INTS2: variants seen among roughly 807,000 people sequenced by gnomAD.
INTS2 encodes KIAA1287.
INTS2 carries 57 observed loss-of-function variants against 139.6 expected under a neutral mutation model. That is an observed-to-expected ratio of 0.41 (90% CI 0.33 to 0.51). The LOEUF (loss-of-function observed/expected upper bound fraction) is 0.51, where lower values mean the gene tolerates loss of function less well. Ranked by LOEUF, INTS2 falls within the 20% of genes least tolerant of loss-of-function variation. The pLI is 0.28. For synonymous variants in INTS2, 473 were observed against 493.4 expected, an observed-to-expected ratio of 0.96 and a Z score of 0.55; for missense variants, 1,196 against 1,436.7, an observed-to-expected ratio of 0.83 and a Z score of 2.71.
chr17:61,923,477 CAAAAAAA>C (rs933124889), intron 3 of INTS2, among the ~76,000 whole-genome samples: 4 of 30,680 alleles, frequency 1.3e-4, no homozygotes, highest in African/African-American at 4.0e-4. Flanking sequence ...ACTCTGTCTC[CAAAAAAA>C]AAAAAAAAAA....
intron 15 of INTS2, among the ~76,000 whole-genome samples, chr17:61,887,721 G>A (rs1318330309): frequency 6.6e-6 from 1 of 151,966 alleles, no homozygotes; most frequent in Non-Finnish European, 1.5e-5. Context: ...TTCCAAACAA[G>A]AACTGTATCA....
rs2079288589 is a variant in INTS2 at position 61,891,123 on chromosome 17, G to A, written c.1875+390C>T. 2.6e-5 allele frequency among the ~76,000 whole-genome samples: 4 copies of A among 151,434 alleles called. No homozygotes were observed. The Admixed American group carries it at 2.6e-4, about 10-fold the overall frequency. ...AGCCTGGCCAACATGGTGAAACCCTGTCTCTACTAAAAATACAAAACATTA... is the reference window on the plus strand; with the variant it reads ...AGCCTGGCCAACATGGTGAAACCCTATCTCTACTAAAAATACAAAACATTA... On this transcript the variant is annotated intron_variant, in intron 14 of 24. Transcript: ENST00000251334.
intron 6 of INTS2, 30 bp downstream of exon 6, chr17:61,911,910 C>T (rs1344174661): frequency 6.2e-7 from 1 of 1,600,204 alleles, no homozygotes; most frequent in African/African-American, 1.4e-5. Flanking sequence ...ATATAAAGGC[C>T]TTTGTCTAAT....
rs766945289 is a variant in INTS2, at chr17:61,904,573, T to C, written c.1194A>G (p.Glu398=). Residue 398 remains glutamate, a synonymous_variant, in exon 9 of 25, where the codon GAA becomes GAG. Transcript: ENST00000251334. ...TCAACTGCAGTAATTGCTCAGCTTC[T>C]TCTTCAGTTGGTCTAAAAAGGAATA... ...MGIAGLKPTE[E]EAEQLLQLMT... 1.2e-5 allele frequency: 19 copies of C among 1,610,896 alleles called. No homozygotes were observed. The highest frequency in any genetic ancestry group is 1.5e-5 in the Non-Finnish European group (18 of 1,178,904).
chr17:61,907,711 C>T (rs2079480858), intron 7 of INTS2, 77 bp from the exon 8 acceptor site: 2 of 1,098,170 alleles, frequency 1.8e-6, no homozygotes, highest in Non-Finnish European at 2.7e-6. Context: ...AACATAGCAC[C>T]CCACTTAAAC....
intron 7 of INTS2, chr17:61,910,481 T>G (rs2143102237): frequency 6.6e-6 from 1 of 151,522 alleles, no homozygotes; most frequent in East Asian, 2.0e-4. Context: ...TAATCCCAAC[T>G]ACTCAGGAGG....
At chr17:61,894,077 G>C (rs1211889034) in intron 12 of INTS2, 178 bp from the exon 13 acceptor site, 1 of 415,544 alleles carries the variant, frequency 2.4e-6, no homozygotes, top group Non-Finnish European at 4.2e-6. Flanking sequence ...TGTACATTTA[G>C]GGATTTATAT....
At position 61,904,536 on chromosome 17, in the gene INTS2, G is replaced by A; in HGVS notation, c.1231C>T (p.Pro411Ser). The change falls in exon 9 of 25, where the codon CCT becomes TCT. Residue 411 changes from proline to serine, a missense_variant. Physicochemically the swap from Pro to Ser is moderately conservative, Grantham distance 74. Around this residue, in one of 3 missense-constraint regions of INTS2, gnomAD observed 1,129 missense variants for 1,341.9 expected, o/e 0.84. Coordinates refer to ENST00000251334, the MANE Select transcript of INTS2 (RefSeq NM_001351695.2). Reference protein sequence around the residue: ...EQLLQLMTSRPPATPAGVRFV... With the variant: ...EQLLQLMTSRSPATPAGVRFV... ...CGAACCCCAGCTGGCGTAGCAGGAG[G>A]ACGGCTCGTCATCAACTGCAGTAAT... 6.2e-7 allele frequency: 1 copy of A among 1,612,550 alleles called. No homozygotes were observed. The highest frequency in any genetic ancestry group is 8.5e-7 in the Non-Finnish European group (1 of 1,179,088).
At chr17:61,908,483 C>T (rs944898503) in intron 7 of INTS2, among the ~76,000 whole-genome samples, 2 of 152,158 alleles carry the variant, frequency 1.3e-5, no homozygotes, top group African/African-American at 4.8e-5. Context: ...ATGCCTTAGT[C>T]TTCTCTCACT....
chr17:61,884,979 A>G lies in INTS2; in HGVS notation c.2011T>C (p.Tyr671His), dbSNP rs1416869829. The change falls in exon 16 of 25, where the codon TAT becomes CAT. Residue 671 changes from tyrosine (Y) to histidine (H), a missense_variant. Physicochemically the swap from Tyr to His is moderately conservative, Grantham distance 83. Transcript: ENST00000251334. ...LAAMQRKPKS[Y>H]SSSLMDQIPI... The stretch of plus-strand genomic sequence containing the variant: ...ATCTGATCCATTAAAGAAGAAGAAT[A>G]TGATTTGGGCTTTCTTTGCATGGCA... 6.2e-7 allele frequency: 1 copy of G among 1,603,332 alleles called. No individual in the cohort carries two copies. Among genetic ancestry groups the G allele is most frequent in the South Asian group, 1.1e-5 (1 of 88,998 alleles).
chr17:61,927,655 T>G lies in INTS2; in HGVS notation c.-20A>C. ...GCCAGAGAAGCGGACGCTTCATACC[T>G]TAAGATCTACCCTCCAGCCTCACGG... is the stretch of plus-strand genomic sequence containing the variant. On this transcript the variant is annotated splice_region_variant and 5_prime_UTR_variant, in exon 1 of 25. Transcript: ENST00000251334. 7.2e-7 allele frequency: 1 copy of G among 1,394,232 alleles called. No homozygotes were observed. Among genetic ancestry groups the G allele is most frequent in the Non-Finnish European group, 9.3e-7 (1 of 1,075,332 alleles). 86.4% of individuals were successfully genotyped at this position (1,394,232 alleles called of 1,614,324 possible).
chr17:61,895,828 A>G (rs536224693), intron 11 of INTS2, among the ~76,000 whole-genome samples: 26 of 152,320 alleles, frequency 1.7e-4, no homozygotes, highest in Admixed American at 3.9e-4. Flanking sequence ...GTAGATTAAA[A>G]TGTTCAAATG....
chr17:61,904,632 A>C lies in INTS2; in HGVS notation c.1182-47T>G. On this transcript the variant is annotated intron_variant, in intron 8 of 24. Coordinates refer to ENST00000251334, the MANE Select transcript of INTS2 (RefSeq NM_001351695.2). ...GGCTTTACATTTTTAGTTGGGATGAAGAAGAAAAAGTGAATTTTTAACCTT... is the reference window on the plus strand; with the variant it reads ...GGCTTTACATTTTTAGTTGGGATGACGAAGAAAAAGTGAATTTTTAACCTT... 3 of 1,479,846 alleles carry C rather than the reference A, an allele frequency of 2.0e-6. No individual in the cohort carries two copies. In the South Asian group the frequency reaches 4.0e-5, roughly 20 times the overall value. The allele number at this position is 1,479,846 out of a possible 1,614,324, so 91.7% of individuals were successfully genotyped here.
At chr17:61,887,898 C>T (rs1439962433) in intron 15 of INTS2, among the ~76,000 whole-genome samples, 1 of 151,630 alleles carries the variant, frequency 6.6e-6, no homozygotes, top group African/African-American at 2.4e-5. Context: ...ACTACAAATA[C>T]AAAAATTAGC....
chr17:61,880,861 CAA>C (rs2079172002), intron 17 of INTS2, 144 bp downstream of exon 17: 5 of 595,704 alleles, frequency 8.4e-6, no homozygotes, highest in Non-Finnish European at 1.4e-5. Flanking sequence ...TCCTTAAACG[CAA>C]AGAGTATTTT....
chr17:61,867,619 G>A lies in INTS2; in HGVS notation c.3529C>T (p.Leu1177Phe), dbSNP rs541329984. Residue 1177 changes from leucine to phenylalanine, a missense_variant, in exon 25 of 25, where the codon CTC (leucine) becomes TTC (phenylalanine). Physicochemically the swap from Leu to Phe is conservative, Grantham distance 22. Around this residue, in one of 3 missense-constraint regions of INTS2, gnomAD observed 1,129 missense variants for 1,341.9 expected, o/e 0.84. Transcript: ENST00000251334. This position sits in a 1 kb window ranked among gnomAD's most constrained non-coding sequence, Gnocchi z 5.6. The part of the protein sequence containing the change: ...DTGSMDPDVQ[L>F]CHCIERTVIE... ...ACTGTTCTTTCAATACAGTGACAGA[G>A]CTGTACATCAGGATCCATGCTTCCA... 3.1e-6 allele frequency: 5 copies of A among 1,610,918 alleles called. No homozygotes were observed.
rs1322322848 is a variant in INTS2 at position 61,897,766 on chromosome 17, T to C, written c.1308-27A>G. The C allele has an allele frequency of 6.8e-7, 1 of 1,467,892 alleles. No homozygotes were observed. The highest frequency in any genetic ancestry group is 2.3e-5 in the East Asian group (1 of 43,418). 90.9% of individuals were successfully genotyped at this position (1,467,892 alleles called of 1,614,324 possible). A position where few individuals can be genotyped will look rare whatever the true frequency, so the allele number is the denominator to read the frequency against. On this transcript the variant is annotated intron_variant, in intron 9 of 24. Coordinates refer to ENST00000251334, the MANE Select transcript of INTS2 (RefSeq NM_001351695.2). This position sits in a 1 kb window ranked among gnomAD's most constrained non-coding sequence, Gnocchi z 4.4. Reference sequence around the variant, plus strand: ...TATATAAAATATACCAGAATGTCACTGGTTTAAATTAGATATACTAGCATA... The same window carrying C: ...TATATAAAATATACCAGAATGTCACCGGTTTAAATTAGATATACTAGCATA...
At position 61,867,492 on chromosome 17, in the gene INTS2, T is replaced by C; in HGVS notation, c.*65A>G. The C allele has an allele frequency of 1.0e-6, 1 of 952,946 alleles. No individual in the cohort carries two copies. The highest frequency in any genetic ancestry group is 1.6e-6 in the Non-Finnish European group (1 of 629,630). The allele number at this position is 952,946 out of a possible 1,614,324, so 59.0% of individuals were successfully genotyped here. ...CTGTTCCCATTCAGTTTAGAGTTGT[T>C]ACTAATATGCAGATTCATGTTGGGT... On this transcript the variant is annotated 3_prime_UTR_variant, in exon 25 of 25. Coordinates refer to ENST00000251334, the MANE Select transcript of INTS2 (RefSeq NM_001351695.2). This position sits in a 1 kb window ranked among gnomAD's most constrained non-coding sequence, Gnocchi z 5.6.
In INTS2 at chr17:61,875,359, G is replaced by T. The variant is rs982409069; in HGVS notation, c.2457-321C>A. 6.6e-6 allele frequency among the ~76,000 whole-genome samples: 1 copy of T among 152,132 alleles called. No individual in the cohort carries two copies. Among genetic ancestry groups the T allele is most frequent in the Non-Finnish European group, 1.5e-5 (1 of 68,034 alleles). On this transcript the variant is annotated intron_variant, in intron 18 of 24. Coordinates refer to ENST00000251334, the MANE Select transcript of INTS2 (RefSeq NM_001351695.2). This position sits in a 1 kb window ranked among gnomAD's most constrained non-coding sequence, Gnocchi z 4.6. ...ATATGACTCTGTGTAAGTCACTGAG[G>T]CTCTCTAAACTGTTTCCTCGTCTGT... is the stretch of plus-strand genomic sequence containing the variant.
Sources: gnomAD v4.1 joint callset for allele counts (sites outside exome capture counted in the v4.1 genomes callset) on GRCh38, gnomAD v4.1.1 for gene constraint, gnomAD v4.1.1 regional missense constraint, Gnocchi (gnomAD v3.1) non-coding constraint, MANE v1.5 for transcripts, NCBI Gene and HGNC (gene_info 2026-07-23, HGNC 2026-07-21) for gene names.